The following PPM1E variants were observed in gnomAD, a reference collection of about 807,000 sequenced individuals.
PPM1E encodes protein phosphatase, Mg2+/Mn2+ dependent 1E.
In PPM1E, 20 loss-of-function variants were observed where a neutral mutation model predicts 65.9. The ratio of observed to expected loss-of-function variants is 0.30; its 90% confidence interval spans 0.21 to 0.44. The LOEUF is 0.44. PPM1E is among the 20% of genes least tolerant of loss of function. PPM1E has a pLI of 1.00. For missense variants in PPM1E, 713 were observed against 953.1 expected, an observed-to-expected ratio of 0.75 and a Z score of 3.32; for synonymous variants, 352 against 374.9, an observed-to-expected ratio of 0.94 and a Z score of 0.70.
At chr17:58,809,545 G>C (rs2050346011) in intron 1 of PPM1E, among the ~76,000 whole-genome samples, 1 of 151,972 alleles carries the variant, frequency 6.6e-6, no homozygotes, top group African/African-American at 2.4e-5. Context: ...CACAAGGCTG[G>C]GCTAATTTTT....
chr17:58,921,695 G>T (rs2051753283), intron 1 of PPM1E, among the ~76,000 whole-genome samples: 1 of 151,102 alleles, frequency 6.6e-6, no homozygotes, highest in South Asian at 2.1e-4. Context: ...CAGTGAATCA[G>T]TAGAAGAGAT....
chr17:58,817,686 T>C (rs1310612894), intron 1 of PPM1E, among the ~76,000 whole-genome samples: 3 of 152,218 alleles, frequency 2.0e-5, no homozygotes, highest in Non-Finnish European at 2.9e-5. Context: ...GAAACTTGTA[T>C]GATAACAAAA....
intron 1 of PPM1E, among the ~76,000 whole-genome samples, chr17:58,803,322 C>T (rs1374468186): frequency 6.6e-6 from 1 of 152,174 alleles, no homozygotes; most frequent in African/African-American, 2.4e-5. Context: ...TTTCCTGCAT[C>T]TCTTGAGGTG....
At chr17:58,967,679 T>A (rs1443617184) in intron 3 of PPM1E, among the ~76,000 whole-genome samples, 2 of 152,032 alleles carry the variant, frequency 1.3e-5, no homozygotes, top group African/African-American at 4.8e-5. Flanking sequence ...AAGCTATCCT[T>A]TTTTTATTTT....
chr17:58,817,558 T>C (rs1192117377), intron 1 of PPM1E, among the ~76,000 whole-genome samples: 1 of 152,216 alleles, frequency 6.6e-6, no homozygotes, highest in African/African-American at 2.4e-5. Context: ...ACTGATTTCT[T>C]TGACATACAT....
chr17:58,760,828 CAT>C, intron 1 of PPM1E, among the ~76,000 whole-genome samples: 1 of 152,158 alleles, frequency 6.6e-6, no homozygotes, highest in East Asian at 1.9e-4. Context: ...TAGAAAAACT[CAT>C]AGAACTCACT....
chr17:58,827,485 C>G (rs1054553541), intron 1 of PPM1E, among the ~76,000 whole-genome samples: 3 of 151,990 alleles, frequency 2.0e-5, no homozygotes, highest in Admixed American at 2.0e-4. Context: ...GATCTTATAC[C>G]AATGTTTTAT....
chr17:58,774,436 A>G (rs2049973072), intron 1 of PPM1E, among the ~76,000 whole-genome samples: 1 of 152,192 alleles, frequency 6.6e-6, no homozygotes, highest in Non-Finnish European at 1.5e-5. Flanking sequence ...TTAGGTATAA[A>G]TAATTTTAAA....
At chr17:58,967,223 CT>C (rs1214202392) in intron 3 of PPM1E, among the ~76,000 whole-genome samples, 2 of 152,128 alleles carry the variant, frequency 1.3e-5, no homozygotes, top group East Asian at 3.9e-4. Context: ...ACTTTTAATT[CT>C]TTATTATAAG....
intron 1 of PPM1E, among the ~76,000 whole-genome samples, chr17:58,912,158 G>A (rs967504730): frequency 2.6e-5 from 4 of 152,038 alleles, no homozygotes; most frequent in African/African-American, 7.2e-5. Flanking sequence ...GAGTGGTCCC[G>A]CTGCTATAGC....
chr17:58,918,660 G>A (rs1476820867), intron 1 of PPM1E, among the ~76,000 whole-genome samples: 1 of 151,788 alleles, frequency 6.6e-6, no homozygotes, highest in Non-Finnish European at 1.5e-5. Context: ...CAAAAAATTC[G>A]CCGGGCATGG....
At chr17:58,841,935 C>T (rs1470245573) in intron 1 of PPM1E, among the ~76,000 whole-genome samples, 1 of 152,252 alleles carries the variant, frequency 6.6e-6, no homozygotes, top group Non-Finnish European at 1.5e-5. Context: ...TCTTGAACTC[C>T]TGACCTCGTG....
At chr17:58,914,783 CA>C (rs1423456778) in intron 1 of PPM1E, among the ~76,000 whole-genome samples, 2 of 152,112 alleles carry the variant, frequency 1.3e-5, no homozygotes, top group Non-Finnish European at 2.9e-5. Context: ...CATCTTTGCC[CA>C]CTTTACAATT....
intron 1 of PPM1E, among the ~76,000 whole-genome samples, chr17:58,803,300 T>G (rs1289913735): frequency 1.3e-5 from 2 of 152,216 alleles, no homozygotes; most frequent in Non-Finnish European, 2.9e-5. Flanking sequence ...ATGTTAAATT[T>G]TGTTGAGTAT....
At chr17:58,888,654 G>T (rs1026606119) in intron 1 of PPM1E, among the ~76,000 whole-genome samples, 1 of 151,826 alleles carries the variant, frequency 6.6e-6, no homozygotes, top group Admixed American at 6.6e-5. Context: ...CACCACACCC[G>T]GCCAGGACTC....
rs757102504 is a variant in PPM1E, at chr17:58,814,584, A to G, written c.464+58123A>G. 3.7e-4 allele frequency among the ~76,000 whole-genome samples: 57 copies of G among 152,342 alleles called. 1 individual carries two copies. The highest frequency in any genetic ancestry group is 1.0e-4 in the Non-Finnish European group (7 of 68,024). ...TACCAGATACAGATAATACCTTTTC[A>G]GTAAATCACTTCAGGGCTGCTGCAT... On this transcript the variant is annotated intron_variant, in intron 1 of 6. Transcript: ENST00000308249.
intron 1 of PPM1E, among the ~76,000 whole-genome samples, chr17:58,834,462 C>T (rs186210338): frequency 6.6e-6 from 1 of 152,188 alleles, no homozygotes; most frequent in African/African-American, 2.4e-5. Context: ...TATCTAAGAA[C>T]ATTTTCCCTA....
chr17:58,903,984 T>C (rs2051526575), intron 1 of PPM1E, among the ~76,000 whole-genome samples: 1 of 152,200 alleles, frequency 6.6e-6, no homozygotes, highest in African/African-American at 2.4e-5. Flanking sequence ...GATAGTGTTA[T>C]TACTTTTACT....
chr17:58,810,519 A>G (rs575272886), intron 1 of PPM1E, among the ~76,000 whole-genome samples: 31 of 152,192 alleles, frequency 2.0e-4, no homozygotes, highest in African/African-American at 7.0e-4. Context: ...TGTACTTTAC[A>G]TTGCATTTCA....
Sources: gnomAD v4.1 joint callset for allele counts (sites outside exome capture counted in the v4.1 genomes callset) on GRCh38, gnomAD v4.1.1 for gene constraint, MANE v1.5 for transcripts, NCBI Gene and HGNC (gene_info 2026-07-23, HGNC 2026-07-21) for gene names.